The following EFNA5 variants were observed in gnomAD, a reference collection of about 807,000 sequenced individuals.
EFNA5 encodes the protein ephrin A5, also known as ephrin-A5.
A neutral mutation model predicts 22.9 loss-of-function variants in EFNA5; 5 were observed. The ratio of observed to expected loss-of-function variants is 0.22; its 90% CI spans 0.11 to 0.46. EFNA5 has a LOEUF of 0.46. Among genes scored for constraint, EFNA5 ranks in the 20% least tolerant of loss-of-function variants. The pLI, the probability that EFNA5 is intolerant of heterozygous loss-of-function variation, is 0.99. For missense variants in EFNA5, 237 were observed against 293.3 expected (o/e 0.81, Z 1.40); for synonymous variants, 113 against 112.2 (o/e 1.01, Z -0.04).
At chr5:107,641,997 C>G (rs1750535122) in intron 1 of EFNA5, among the ~76,000 whole-genome samples, 1 of 152,200 alleles carries the variant, frequency 6.6e-6, no homozygotes, top group African/African-American at 2.4e-5. Context: ...AGGGCAGTAT[C>G]TAAAAGCCAT....
At position 107,544,412 on chromosome 5, in the gene EFNA5, A is replaced by AT. The variant is rs199577269; in HGVS notation, c.126-116904dup. On this transcript the variant is annotated intron_variant, in intron 1 of 4. Coordinates refer to ENST00000333274, the MANE Select transcript of EFNA5 (RefSeq NM_001962.3). The stretch of plus-strand genomic sequence containing the variant: ...TGAGGACCAGGCAGAACAAGGATGC[A>AT]TTTTTTTTTGTGAGTAACCTCTGGG... Among the ~76,000 whole-genome samples, 1,287 of 151,572 alleles carry AT rather than the reference A, an allele frequency of 8.5e-3. 8 individuals carry two copies. The highest frequency in any genetic ancestry group is 0.027 in the Middle Eastern group (8 of 292).
chr5:107,391,324 G>A (rs754504244), intron 2 of EFNA5, among the ~76,000 whole-genome samples: 2 of 152,128 alleles, frequency 1.3e-5, no homozygotes, highest in Non-Finnish European at 2.9e-5. Context: ...AGGGATCCAT[G>A]TGACAACTGA....
intron 1 of EFNA5, among the ~76,000 whole-genome samples, chr5:107,594,888 C>T (rs3864267): frequency 0.16 from 24,287 of 152,204 alleles, 4,963 homozygotes; most frequent in African/African-American, 0.48. Context: ...ACCGTTCATT[C>T]TCATGACCTG....
chr5:107,568,928 C>T (rs988906025), intron 1 of EFNA5, among the ~76,000 whole-genome samples: 2 of 152,058 alleles, frequency 1.3e-5, no homozygotes, highest in Non-Finnish European at 2.9e-5. Flanking sequence ...ATTCTGAAAG[C>T]ACTTAAAAAG....
intron 1 of EFNA5, among the ~76,000 whole-genome samples, chr5:107,655,661 T>C (rs888730742): frequency 1.3e-5 from 2 of 152,108 alleles, no homozygotes; most frequent in Non-Finnish European, 1.5e-5. Context: ...TGTAAGTATA[T>C]GATGGAAATT....
chr5:107,535,639 CATAA>C (rs1189735774), intron 1 of EFNA5, among the ~76,000 whole-genome samples: 3 of 152,098 alleles, frequency 2.0e-5, no homozygotes, highest in East Asian at 3.9e-4. Flanking sequence ...CTAACTGCAG[CATAA>C]ATAATTTTTA....
At chr5:107,591,944 T>TATATATAATATATATAATATATATA (rs1749354460) in intron 1 of EFNA5, among the ~76,000 whole-genome samples, 1 of 13,164 alleles carries the variant, frequency 7.6e-5, no homozygotes, top group Non-Finnish European at 1.1e-4. Context: ...ATATATATAT[T>TATATATAATATATATAATATATATA]ATATATAATA....
intron 1 of EFNA5, among the ~76,000 whole-genome samples, chr5:107,526,807 G>A (rs1747704714): frequency 6.6e-6 from 1 of 152,248 alleles, no homozygotes; most frequent in Admixed American, 6.5e-5. Flanking sequence ...AGTGCAATGG[G>A]AAATTCTACT....
chr5:107,573,066 G>T (rs898757421), intron 1 of EFNA5, among the ~76,000 whole-genome samples: 1 of 152,190 alleles, frequency 6.6e-6, no homozygotes, highest in South Asian at 2.1e-4. Flanking sequence ...GGCGCAGTGG[G>T]TCTTTCCCTT....
intron 1 of EFNA5, among the ~76,000 whole-genome samples, chr5:107,516,456 C>G (rs1747484478): frequency 6.6e-6 from 1 of 152,038 alleles, no homozygotes; most frequent in South Asian, 2.1e-4. Flanking sequence ...TATGTAGTGC[C>G]CAAAACAACC....
intron 2 of EFNA5, among the ~76,000 whole-genome samples, chr5:107,400,060 A>G (rs1748045150): frequency 6.6e-6 from 1 of 152,240 alleles, no homozygotes; most frequent in African/African-American, 2.4e-5. Context: ...AATTTATTAT[A>G]GTAAGAATTA....
rs1746657197 is a variant in EFNA5 at position 107,487,258 on chromosome 5, A to G, written c.126-59749T>C. 2.0e-5 allele frequency among the ~76,000 whole-genome samples: 3 copies of G among 151,902 alleles called. No individual in the cohort carries two copies. The South Asian group carries it at 6.3e-4, about 32-fold the overall frequency. On this transcript the variant is annotated intron_variant, in intron 1 of 4. Transcript: ENST00000333274. ...TTCCCCCCGGGTGAACACCTAACCA[A>G]CTTCTGGCAGGATTCACTTCCTCTG...
intron 1 of EFNA5, among the ~76,000 whole-genome samples, chr5:107,428,065 C>T (rs1748851831): frequency 6.6e-6 from 1 of 152,114 alleles, no homozygotes; most frequent in Non-Finnish European, 1.5e-5. Context: ...GTTAGAAAGA[C>T]AATTCCTAAA....
chr5:107,507,085 C>A (rs954505593), intron 1 of EFNA5, among the ~76,000 whole-genome samples: 1 of 151,868 alleles, frequency 6.6e-6, no homozygotes, highest in Admixed American at 6.6e-5. Flanking sequence ...AATGAGAGAG[C>A]TATTATTCTT....
chr5:107,475,399 T>C (rs1287528137), intron 1 of EFNA5, among the ~76,000 whole-genome samples: 1 of 152,162 alleles, frequency 6.6e-6, no homozygotes, highest in Non-Finnish European at 1.5e-5. Context: ...TAATGTCCTA[T>C]GAAAATGTAG....
chr5:107,387,222 T>TA lies in EFNA5; in HGVS notation c.565+12dup. 1 of 1,579,926 alleles carries TA rather than the reference T, an allele frequency of 6.3e-7. No homozygotes were observed. Among genetic ancestry groups the TA allele is most frequent in the Non-Finnish European group, 8.6e-7 (1 of 1,156,870 alleles). ...GATGCATTTGTTAAAAGAGATTCTC[T>TA]AAGCATACTAACCTGCTGGTTCTAA... On this transcript the variant is annotated intron_variant, in intron 4 of 4. Coordinates refer to ENST00000333274, the MANE Select transcript of EFNA5 (RefSeq NM_001962.3).
intron 1 of EFNA5, among the ~76,000 whole-genome samples, chr5:107,467,584 C>A (rs966061869): frequency 2.0e-5 from 3 of 152,128 alleles, no homozygotes; most frequent in Admixed American, 6.5e-5. Flanking sequence ...AGGTGATATG[C>A]GCACATGGCA....
At position 107,649,735 on chromosome 5, in the gene EFNA5, A is replaced by G. The variant is rs181254189; in HGVS notation, c.125+20754T>C. Among the ~76,000 whole-genome samples the G allele has an allele frequency of 2.9e-3, 447 of 152,300 alleles. 3 individuals are homozygous for G. The highest frequency in any genetic ancestry group is 1.0e-2 in the African/African-American group (415 of 41,576). On this transcript the variant is annotated intron_variant, in intron 1 of 4. Transcript: ENST00000333274. ...TTTTTATATAATAATACAGAAATAC[A>G]TTTGAAAGTATTAATAGCTAAAATT... is the stretch of plus-strand genomic sequence containing the variant.
intron 1 of EFNA5, among the ~76,000 whole-genome samples, chr5:107,552,966 G>A (rs1344752647): frequency 3.3e-5 from 5 of 152,118 alleles, no homozygotes; most frequent in African/African-American, 1.2e-4. Flanking sequence ...GACAATATGA[G>A]GGCACTTTGT....
Sources: gnomAD v4.1 joint callset for allele counts (sites outside exome capture counted in the v4.1 genomes callset) on GRCh38, gnomAD v4.1.1 for gene constraint, MANE v1.5 for transcripts, NCBI Gene and HGNC (gene_info 2026-07-23, HGNC 2026-07-21) for gene names.